Variants in RP1L1 observed in about 807,000 individuals in gnomAD.
RP1L1 encodes the protein retinitis pigmentosa 1-like 1 protein.
Under a neutral mutation model 15.7 loss-of-function variants are expected in RP1L1, and 27 were observed. The ratio of observed to expected loss-of-function variants is 1.72; its 90% CI spans 1.27 to 2.38. RP1L1 has a LOEUF of 2.38. RP1L1 is among the 30% of genes most tolerant of loss of function. The pLI is 0.00. For synonymous variants in RP1L1, 1,813 were observed against 1,276.7 expected (o/e 1.42, Z -8.96); for missense variants, 4,798 against 3,075.9 (o/e 1.56, Z -13.24).
chr8:10,629,009 A>T (rs1007649585), intron 1 of RP1L1, among the ~76,000 whole-genome samples: 2 of 152,222 alleles, frequency 1.3e-5, no homozygotes, highest in Non-Finnish European at 2.9e-5. Flanking sequence ...GGTCTGGTGC[A>T]CCTCTGGCCC....
chr8:10,651,678 A>C (rs984523808), intron 1 of RP1L1, among the ~76,000 whole-genome samples: 4 of 151,082 alleles, frequency 2.6e-5, no homozygotes, highest in Non-Finnish European at 5.9e-5. Flanking sequence ...AATCCCTTGA[A>C]CTCAGGAGGC....
chr8:10,654,711 C>T (rs1366329342), intron 1 of RP1L1, among the ~76,000 whole-genome samples, 187 bp downstream of exon 1: 1 of 152,220 alleles, frequency 6.6e-6, no homozygotes, highest in Non-Finnish European at 1.5e-5. Flanking sequence ...GATCTGCTCC[C>T]AAACAGCCCA....
Position 10,647,325 on chromosome 8 carries a change from T to G in RP1L1, c.-20+7573A>C, listed in dbSNP as rs959684750. On this transcript the variant is annotated intron_variant, in intron 1 of 3. Coordinates refer to ENST00000382483, the MANE Select transcript of RP1L1 (RefSeq NM_178857.6). Reference sequence around the variant, plus strand: ...TCGCTCTACTGTTTGTGTTTTTATTTTTTTAATTGTGGTAAAGTACTCATA... The same window carrying G: ...TCGCTCTACTGTTTGTGTTTTTATTGTTTTAATTGTGGTAAAGTACTCATA... Among the ~76,000 whole-genome samples the G allele has an allele frequency of 2.1e-4, 32 of 152,350 alleles. No homozygotes were observed. In the South Asian group the frequency reaches 4.2e-3, roughly 20 times the overall value.
At chr8:10,647,103 C>T (rs1170909088) in intron 1 of RP1L1, among the ~76,000 whole-genome samples, 2 of 152,212 alleles carry the variant, frequency 1.3e-5, no homozygotes, top group Non-Finnish European at 2.9e-5. Context: ...GTCCCGCCTT[C>T]AGAACTCCCT....
chr8:10,642,796 A>G (rs1798425831), intron 1 of RP1L1, among the ~76,000 whole-genome samples: 1 of 152,218 alleles, frequency 6.6e-6, no homozygotes, highest in Non-Finnish European at 1.5e-5. Flanking sequence ...AAAAGAGCAG[A>G]GAATGTGTGG....
At chr8:10,622,153 C>G (rs1349558393) in intron 2 of RP1L1, among the ~76,000 whole-genome samples, 1 of 151,906 alleles carries the variant, frequency 6.6e-6, no homozygotes, top group East Asian at 1.9e-4. Context: ...GAAACCCTGT[C>G]TCTACTAAAA....
intron 3 of RP1L1, among the ~76,000 whole-genome samples, chr8:10,614,278 C>T (rs916849800): frequency 5.9e-5 from 9 of 152,112 alleles, no homozygotes; most frequent in African/African-American, 9.7e-5. Flanking sequence ...AGGACCTGGG[C>T]GAACCATCTC....
At position 10,607,015 on chromosome 8, in the gene RP1L1, A is replaced by C; in HGVS notation, c.7083T>G (p.Thr2361=). ...EQEEAPLGSR[T]PEQGASEGYD... The stretch of plus-strand genomic sequence containing the variant: ...AACCTTCACTGGCCCCCTGCTCTGG[A>C]GTCCTTGAGCCCAAAGGGGCCTCTT... Residue 2361 remains threonine (T), a synonymous_variant, in exon 4 of 4, where the codon ACT becomes ACG. Coordinates refer to ENST00000382483, the MANE Select transcript of RP1L1 (RefSeq NM_178857.6). 6.2e-7 allele frequency: 1 copy of C among 1,614,154 alleles called. No individual in the cohort carries two copies. The highest frequency in any genetic ancestry group is 1.1e-5 in the South Asian group (1 of 91,080).
intron 1 of RP1L1, among the ~76,000 whole-genome samples, chr8:10,631,441 GCA>G (rs147594773): frequency 0.1 from 15,719 of 150,170 alleles, 929 homozygotes; most frequent in Non-Finnish European, 0.13. Context: ...GCACACACAC[GCA>G]CACACACACT....
At position 10,649,342 on chromosome 8, in the gene RP1L1, C is replaced by G. The variant is rs538974220; in HGVS notation, c.-20+5556G>C. On this transcript the variant is annotated intron_variant, in intron 1 of 3. Coordinates refer to ENST00000382483, the MANE Select transcript of RP1L1 (RefSeq NM_178857.6). ...CTACTCTAGGGACTAGGACTATGTT[C>G]AATTTAGGAGGAAACACAGCACACG... 2.6e-5 allele frequency among the ~76,000 whole-genome samples: 4 copies of G among 152,314 alleles called. No individual in the cohort carries two copies. The East Asian group carries it at 7.7e-4, about 29-fold the overall frequency.
chr8:10,629,663 T>C (rs1478189413), intron 1 of RP1L1, among the ~76,000 whole-genome samples: 1 of 152,028 alleles, frequency 6.6e-6, no homozygotes, highest in African/African-American at 2.4e-5. Flanking sequence ...CAGGTAGAGG[T>C]TTATTTTCTT....
intron 2 of RP1L1, among the ~76,000 whole-genome samples, chr8:10,619,729 C>T (rs1052768016): frequency 2.0e-5 from 3 of 152,060 alleles, no homozygotes; most frequent in Non-Finnish European, 2.9e-5. Flanking sequence ...GAGTTCAAGA[C>T]CAGCCTGGCC....
At chr8:10,616,642 C>T in intron 2 of RP1L1, 55 bp from the exon 3 acceptor site, 4 of 1,561,180 alleles carry the variant, frequency 2.6e-6, no homozygotes, top group Non-Finnish European at 3.5e-6. Flanking sequence ...CCCCTCTACC[C>T]TGAGGCCTGG....
rs957115129 is a variant in RP1L1 at position 10,622,482 on chromosome 8, C to T, written c.609+111G>A. On this transcript the variant is annotated intron_variant, in intron 2 of 3. Transcript: ENST00000382483. ...CATGCTGTTCACCTTTAATTAGCAG[C>T]AGGGCAATCAAATGCCTCTTTTTAA... 8 of 1,381,834 alleles carry T rather than the reference C, an allele frequency of 5.8e-6. No homozygotes were observed. The East Asian group carries it at 9.1e-5, about 16-fold the overall frequency. The allele number at this position is 1,381,834 out of a possible 1,614,324, so 85.6% of individuals were successfully genotyped here.
chr8:10,610,731 C>A lies in RP1L1; in HGVS notation c.3367G>T (p.Ala1123Ser), dbSNP rs371254874. 6.2e-7 allele frequency: 1 copy of A among 1,613,520 alleles called. No homozygotes were observed. Among genetic ancestry groups the A allele is most frequent in the Non-Finnish European group, 8.5e-7 (1 of 1,180,022 alleles). Reference protein sequence around the residue: ...CSAGALITCLASLQLFEEDLG... With the variant: ...CSAGALITCLSSLQLFEEDLG... The stretch of plus-strand genomic sequence containing the variant: ...TCTTCCTCAAATAACTGCAGACTGG[C>A]CAGACAAGTAATGAGGGCCCCGGCT... The change falls in exon 4 of 4, where the codon GCC becomes TCC. Residue 1123 changes from alanine (A) to serine (S), a missense_variant. Transcript: ENST00000382483.
intron 3 of RP1L1, among the ~76,000 whole-genome samples, chr8:10,614,395 C>T (rs999501124): frequency 4.6e-5 from 7 of 152,112 alleles, no homozygotes; most frequent in Admixed American, 3.9e-4. Context: ...CGTGATAGCT[C>T]ACGCCTGTAA....
chr8:10,625,442 C>A (rs930296191), intron 1 of RP1L1, among the ~76,000 whole-genome samples: 3 of 123,080 alleles, frequency 2.4e-5, no homozygotes, highest in African/African-American at 9.2e-5. Flanking sequence ...CTGGAGGGTG[C>A]GTGTGGGGTG....
intron 1 of RP1L1, among the ~76,000 whole-genome samples, chr8:10,637,800 G>A (rs1344244759): frequency 6.6e-6 from 1 of 152,198 alleles, no homozygotes; most frequent in African/African-American, 2.4e-5. Context: ...GGGGAAGTAG[G>A]AAGAGAGAGA....
At chr8:10,627,424 T>C (rs963614355) in intron 1 of RP1L1, among the ~76,000 whole-genome samples, 2 of 152,050 alleles carry the variant, frequency 1.3e-5, no homozygotes, top group African/African-American at 4.8e-5. Context: ...ATGAGGTCCC[T>C]AAAGCAGTCA....
Sources: gnomAD v4.1 joint callset for allele counts (sites outside exome capture counted in the v4.1 genomes callset) on GRCh38, gnomAD v4.1.1 for gene constraint, MANE v1.5 for transcripts, NCBI Gene and HGNC (gene_info 2026-07-23, HGNC 2026-07-21) for gene names.